Variants in NMNAT3 observed in about 807,000 individuals in gnomAD.
NMNAT3 encodes the protein nicotinamide/nicotinic acid mononucleotide adenylyltransferase 3.
NMNAT3 carries 21 observed loss-of-function variants against 24.8 expected under a neutral mutation model. That is an observed-to-expected ratio of 0.85 (90% CI 0.60 to 1.22). The LOEUF (loss-of-function observed/expected upper bound fraction) is 1.22, where lower values mean the gene tolerates loss of function less well. Ranked by LOEUF, NMNAT3 falls within the 50% of genes most tolerant of loss-of-function variation. The pLI is 0.00. For missense variants in NMNAT3, 387 were observed against 436.6 expected (o/e 0.89, Z 1.01); for synonymous variants, 136 against 155.2 (o/e 0.88, Z 0.92).
At chr3:139,597,159 A>G (rs936198142) in intron 3 of NMNAT3, among the ~76,000 whole-genome samples, 3 of 151,594 alleles carry the variant, frequency 2.0e-5, no homozygotes, top group South Asian at 4.2e-4. Flanking sequence ...TATATTTCTT[A>G]TTTTTGACTG....
At chr3:139,677,145 C>G (rs1448159026) in intron 1 of NMNAT3, among the ~76,000 whole-genome samples, 1 of 152,162 alleles carries the variant, frequency 6.6e-6, no homozygotes, top group Non-Finnish European at 1.5e-5. Flanking sequence ...GTTCCAGCAG[C>G]CTTTGTAGCT....
At chr3:139,569,335 A>C (rs1228326740) in intron 6 of NMNAT3, 57 of 152,236 alleles carry the variant, frequency 3.7e-4, no homozygotes, top group Admixed American at 2.8e-3. Context: ...GCATTTAGCC[A>C]ATTTACATTT....
At chr3:139,660,591 G>A (rs2057383890) in intron 1 of NMNAT3, among the ~76,000 whole-genome samples, 1 of 152,134 alleles carries the variant, frequency 6.6e-6, no homozygotes, top group African/African-American at 2.4e-5. Flanking sequence ...TTTATCTGAA[G>A]GATAACATTG....
intron 3 of NMNAT3, among the ~76,000 whole-genome samples, chr3:139,618,556 A>G (rs1576660887): frequency 6.6e-6 from 1 of 152,358 alleles, no homozygotes; most frequent in Non-Finnish European, 1.5e-5. Flanking sequence ...ATTTAAAGTT[A>G]CTAAACAAAC....
intron 3 of NMNAT3, among the ~76,000 whole-genome samples, chr3:139,602,063 A>C (rs2054743140): frequency 6.6e-6 from 1 of 152,222 alleles, no homozygotes; most frequent in African/African-American, 2.4e-5. Context: ...ACACTCAAGG[A>C]AGCTGTCCAA....
chr3:139,573,767 C>A, intron 5 of NMNAT3, 87 bp from the exon 6 acceptor site: 1 of 645,752 alleles, frequency 1.5e-6, no homozygotes, highest in Admixed American at 3.3e-5. Context: ...TCTCAGCCTG[C>A]TTTTATCTAC....
intron 1 of NMNAT3, among the ~76,000 whole-genome samples, chr3:139,675,265 G>T (rs2057893690): frequency 6.6e-6 from 1 of 152,136 alleles, no homozygotes; most frequent in East Asian, 1.9e-4. Flanking sequence ...TGGGTGAGAA[G>T]TTTGCAAAAT....
chr3:139,582,700 G>A (rs1339311537), intron 4 of NMNAT3, among the ~76,000 whole-genome samples: 46 of 144,294 alleles, frequency 3.2e-4, no homozygotes, highest in African/African-American at 1.1e-3. Flanking sequence ...TAAGGGTGAA[G>A]TGTTACAAAG....
intron 5 of NMNAT3, among the ~76,000 whole-genome samples, chr3:139,574,599 G>C (rs536864929): frequency 6.6e-6 from 1 of 152,228 alleles, no homozygotes; most frequent in African/African-American, 2.4e-5. Context: ...TACTAGAACT[G>C]TATTTAGGGG....
intron 3 of NMNAT3, among the ~76,000 whole-genome samples, chr3:139,595,170 G>A (rs1001844410): frequency 1.3e-5 from 2 of 152,144 alleles, no homozygotes; most frequent in African/African-American, 4.8e-5. Context: ...ACCAGCAACA[G>A]ACAAACAGAG....
chr3:139,654,344 A>G (rs2057164320), intron 1 of NMNAT3, among the ~76,000 whole-genome samples: 1 of 152,238 alleles, frequency 6.6e-6, no homozygotes, highest in African/African-American at 2.4e-5. Context: ...ATTCACTAGC[A>G]GGCCTGTGGG....
At chr3:139,657,423 G>A (rs2057282115) in intron 1 of NMNAT3, among the ~76,000 whole-genome samples, 1 of 152,258 alleles carries the variant, frequency 6.6e-6, no homozygotes, top group South Asian at 2.1e-4. Context: ...GTGCGCAGGT[G>A]TCAGAAATTA....
intron 3 of NMNAT3, among the ~76,000 whole-genome samples, chr3:139,616,177 C>T (rs2055493073): frequency 6.6e-6 from 1 of 152,152 alleles, no homozygotes; most frequent in African/African-American, 2.4e-5. Context: ...ATATCACCAA[C>T]AAAGCCATTC....
chr3:139,561,530 A>G, intron 6 of NMNAT3, 138 bp from the exon 7 acceptor site: 1 of 776,448 alleles, frequency 1.3e-6, no homozygotes. Context: ...ACTTGAAAAG[A>G]AAAAGCATGT....
chr3:139,622,777 T>G (rs995036437), intron 3 of NMNAT3, among the ~76,000 whole-genome samples: 1 of 142,664 alleles, frequency 7.0e-6, no homozygotes, highest in African/African-American at 2.6e-5. Context: ...ATATCATATA[T>G]ATGATATATA....
rs567379397 is a variant in NMNAT3 at position 139,562,208 on chromosome 3, CAGTT to C, written c.659-820_659-817del. On this transcript the variant is annotated intron_variant, in intron 6 of 6. Transcript: ENST00000643695. Reference sequence around the variant, plus strand: ...GATAAGTGACTTGCCTGAGGTCACTCAGTTAGGCAGATAAGTCAGGTGTCAAACC... The same window carrying C: ...GATAAGTGACTTGCCTGAGGTCACTCAGGCAGATAAGTCAGGTGTCAAACC... 3.9e-5 allele frequency among the ~76,000 whole-genome samples: 6 copies of C among 152,296 alleles called. No individual in the cohort carries two copies. In the South Asian group the frequency reaches 6.2e-4, roughly 16 times the overall value.
rs1362704208 is a variant in NMNAT3, at chr3:139,677,952, G to T, written c.-388C>A. On this transcript the variant is annotated 5_prime_UTR_variant, in exon 1 of 7. Transcript: ENST00000643695. ...GAACTTGACCTTGCGCTCCCTTAGCGGCCCCGGGCAGATGGAGTCTGAGGG... is the reference window on the plus strand; with the variant it reads ...GAACTTGACCTTGCGCTCCCTTAGCTGCCCCGGGCAGATGGAGTCTGAGGG... 2.0e-5 allele frequency: 3 copies of T among 152,132 alleles called. No individual in the cohort carries two copies. The highest frequency in any genetic ancestry group is 4.4e-5 in the Non-Finnish European group (3 of 68,100). 9.4% of individuals were successfully genotyped at this position (152,132 alleles called of 1,614,324 possible). A position where few individuals can be genotyped will look rare whatever the true frequency, so the allele number is the denominator to read the frequency against.
chr3:139,613,992 T>G, intron 3 of NMNAT3, among the ~76,000 whole-genome samples: 1 of 146,880 alleles, frequency 6.8e-6, no homozygotes, highest in African/African-American at 2.5e-5. Context: ...TGTTGTGGGG[T>G]GGGGGAAGGG....
chr3:139,633,740 G>T (rs1022347905), intron 2 of NMNAT3, among the ~76,000 whole-genome samples: 2 of 152,136 alleles, frequency 1.3e-5, no homozygotes, highest in African/African-American at 4.8e-5. Context: ...TATGGCTCAC[G>T]TGTAGGCAGG....
Sources: allele counts gnomAD v4.1 joint callset (sites outside exome capture counted in the v4.1 genomes callset), GRCh38; gene constraint gnomAD v4.1.1; transcripts MANE v1.5; gene names NCBI Gene and HGNC (gene_info 2026-07-23, HGNC 2026-07-21).